The following PARVB variants were observed in gnomAD, a reference collection of about 807,000 sequenced individuals.
PARVB encodes parvin beta.
In PARVB, 46 loss-of-function variants were observed where a neutral mutation model predicts 47.0. The ratio of observed to expected loss-of-function variants is 0.98; its 90% confidence interval spans 0.77 to 1.25. PARVB has a LOEUF of 1.25. Among genes scored for constraint, PARVB ranks in the 50% most tolerant of loss-of-function variants. PARVB has a pLI of 0.00. For missense variants in PARVB, 473 were observed against 471.6 expected (o/e 1.00, Z -0.03); for synonymous variants, 196 against 196.3 (o/e 1.00, Z 0.01).
intron 11 of PARVB, among the ~76,000 whole-genome samples, chr22:44,159,656 C>T (rs115883002): frequency 0.03 from 4,549 of 152,240 alleles, 241 homozygotes; most frequent in African/African-American, 0.1. Context: ...TGCCTTTTTT[C>T]CCTTTCTCCT....
chr22:44,035,688 G>A (rs1156591143), intron 1 of PARVB, among the ~76,000 whole-genome samples: 1 of 152,036 alleles, frequency 6.6e-6, no homozygotes, highest in East Asian at 1.9e-4. Context: ...CTTCTTGGGA[G>A]CACTTACAGC....
At position 44,171,974 on chromosome 22, in the gene PARVB, G is replaced by T. The variant is rs1127721; in HGVS notation, c.*3296G>T. ...CTTCTGTATCCTGAGTCCCTGGAAC[G>T]GCAGGTGCACACCACCGCACCCGGC... On this transcript the variant is annotated 3_prime_UTR_variant, in exon 13 of 13. Coordinates refer to ENST00000338758, the MANE Select transcript of PARVB (RefSeq NM_013327.5). 0.29 allele frequency: 43,603 copies of T among 151,792 alleles called. 7,391 individuals carry two copies. Among genetic ancestry groups the T allele is most frequent in the African/African-American group, 0.47 (19,552 of 41,326 alleles). 9.4% of individuals were successfully genotyped at this position (151,792 alleles called of 1,614,324 possible).
At position 44,059,039 on chromosome 22, in the gene PARVB, CTTTTTT is replaced by C. The variant is rs11296450; in HGVS notation, c.112+34605_112+34610del. On this transcript the variant is annotated intron_variant, in intron 1 of 12. Transcript: ENST00000338758. Reference sequence around the variant, plus strand: ...CTTCTTAGTTCTGCACACCCTGTGGCTTTTTTTTTTTTTTTTTTTTTTCTGAGAGGG... The same window carrying C: ...CTTCTTAGTTCTGCACACCCTGTGGCTTTTTTTTTTTTTTTTCTGAGAGGG... Among the ~76,000 whole-genome samples, 99 of 73,068 alleles carry C rather than the reference CTTTTTT, an allele frequency of 1.4e-3. 1 individual carries two copies. Among genetic ancestry groups the C allele is most frequent in the African/African-American group, 5.7e-3 (91 of 16,008 alleles). The allele number at this position is 73,068 out of a possible 152,430, so 47.9% of individuals were successfully genotyped here.
intron 1 of PARVB, among the ~76,000 whole-genome samples, chr22:44,038,997 A>G (rs1295999805): frequency 6.6e-6 from 1 of 152,206 alleles, no homozygotes; most frequent in Non-Finnish European, 1.5e-5. Flanking sequence ...CAGATAGCCA[A>G]TATGCATCTG....
intron 8 of PARVB, chr22:44,145,903 C>CTTTTTTT: frequency 6.7e-6 from 1 of 148,940 alleles, no homozygotes; most frequent in Non-Finnish European, 1.5e-5. Context: ...AAAAATTTCA[C>CTTTTTTT]TTTTTTTTTT....
chr22:44,028,918 C>T (rs1025251264), intron 1 of PARVB, among the ~76,000 whole-genome samples: 2 of 152,162 alleles, frequency 1.3e-5, no homozygotes, highest in African/African-American at 4.8e-5. Context: ...TGCTTATTTG[C>T]CATCTGTGTA....
At chr22:44,161,399 C>T (rs529346162) in intron 11 of PARVB, among the ~76,000 whole-genome samples, 5 of 151,880 alleles carry the variant, frequency 3.3e-5, no homozygotes, top group South Asian at 4.2e-4. Flanking sequence ...CTGCAACCCC[C>T]GCCTCCTGGG....
chr22:44,129,078 CA>C (rs1023087335), intron 4 of PARVB, among the ~76,000 whole-genome samples: 14 of 151,640 alleles, frequency 9.2e-5, no homozygotes, highest in Admixed American at 6.6e-4. Flanking sequence ...AACTCCATCT[CA>C]AAAAAATAAA....
chr22:44,114,889 T>C (rs1417753513), intron 3 of PARVB: 1 of 126,658 alleles, frequency 7.9e-6, no homozygotes, highest in East Asian at 2.7e-4. Flanking sequence ...CCAACACAGA[T>C]ACATTGTTAC....
intron 2 of PARVB, among the ~76,000 whole-genome samples, chr22:44,009,202 C>T (rs2050497297): frequency 6.6e-6 from 1 of 152,168 alleles, no homozygotes; most frequent in Non-Finnish European, 1.5e-5. Context: ...AATTTGCTTA[C>T]AGCTGTTCAG....
intron 1 of PARVB, among the ~76,000 whole-genome samples, chr22:44,056,189 G>A (rs1027019597): frequency 2.0e-5 from 3 of 152,226 alleles, no homozygotes; most frequent in Admixed American, 2.0e-4. Context: ...GCCTAGCTTT[G>A]GGGCACAGCC....
chr22:44,127,960 A>G (rs1280857076), intron 4 of PARVB, among the ~76,000 whole-genome samples: 2 of 151,468 alleles, frequency 1.3e-5, no homozygotes, highest in Non-Finnish European at 2.9e-5. Flanking sequence ...TAATTTTTGT[A>G]TTTTCTGTAG....
At position 44,169,763 on chromosome 22, in the gene PARVB, T is replaced by C. The variant is rs1428196923; in HGVS notation, c.*1085T>C. The C allele has an allele frequency of 6.7e-6, 1 of 150,322 alleles. No homozygotes were observed. The highest frequency in any genetic ancestry group is 1.5e-5 in the Non-Finnish European group (1 of 68,090). 9.3% of individuals were successfully genotyped at this position (150,322 alleles called of 1,614,324 possible). On this transcript the variant is annotated 3_prime_UTR_variant, in exon 13 of 13. Coordinates refer to ENST00000338758, the MANE Select transcript of PARVB (RefSeq NM_013327.5). Reference sequence around the variant, plus strand: ...GCTCTGTCACCAGGCTGGAGTGCAGTGGTGTGATCTCAGCTCACTGCAACC... The same window carrying C: ...GCTCTGTCACCAGGCTGGAGTGCAGCGGTGTGATCTCAGCTCACTGCAACC...
chr22:44,037,482 G>C (rs1421071235), intron 1 of PARVB, among the ~76,000 whole-genome samples: 1 of 152,170 alleles, frequency 6.6e-6, no homozygotes, highest in African/African-American at 2.4e-5. Context: ...CCGTAGCTAA[G>C]ACTTGGGCAC....
intron 11 of PARVB, among the ~76,000 whole-genome samples, chr22:44,163,255 A>G (rs920494521): frequency 6.6e-6 from 1 of 152,128 alleles, no homozygotes; most frequent in African/African-American, 2.4e-5. Context: ...GGATCATTTG[A>G]GCCCAAGAGT....
chr22:44,061,160 G>A (rs1379766527), intron 1 of PARVB, among the ~76,000 whole-genome samples: 2 of 152,152 alleles, frequency 1.3e-5, no homozygotes, highest in Non-Finnish European at 2.9e-5. Flanking sequence ...TGGGCACGGT[G>A]ACTCATGCCT....
intron 4 of PARVB, 86 bp downstream of exon 4, chr22:44,119,226 A>T: frequency 1.1e-6 from 1 of 912,278 alleles, no homozygotes. Context: ...GCATAGTGAC[A>T]TCGGCCACAG....
chr22:44,062,116 C>T (rs1404543044), intron 1 of PARVB, among the ~76,000 whole-genome samples: 1 of 152,202 alleles, frequency 6.6e-6, no homozygotes, highest in East Asian at 1.9e-4. Context: ...TCACATACTG[C>T]CCAGGGTAAG....
chr22:44,116,279 A>G (rs1412060063), intron 3 of PARVB: 1 of 152,316 alleles, frequency 6.6e-6, no homozygotes, highest in Non-Finnish European at 1.5e-5. Flanking sequence ...TGTGAGGTCA[A>G]GTGCCATTTT....
Sources: gnomAD v4.1 joint callset for allele counts (sites outside exome capture counted in the v4.1 genomes callset) on GRCh38, gnomAD v4.1.1 for gene constraint, MANE v1.5 for transcripts, NCBI Gene and HGNC (gene_info 2026-07-23, HGNC 2026-07-21) for gene names.